PCDHGA1: variants seen among roughly 807,000 people sequenced by gnomAD.
PCDHGA1 encodes the protein protocadherin gamma-A1.
A neutral mutation model predicts 58.0 loss-of-function variants in PCDHGA1; 32 were observed. The observed-to-expected ratio is 0.55, with a 90% confidence interval of 0.42 to 0.74. PCDHGA1 has a LOEUF of 0.74. Among genes scored for constraint, PCDHGA1 ranks in the 30% least tolerant of loss-of-function variants. The pLI, the probability that PCDHGA1 is intolerant of heterozygous loss-of-function variation, is 0.00. For synonymous variants in PCDHGA1, 498 were observed against 501.1 expected, an observed-to-expected ratio of 0.99 and a Z score of 0.08; for missense variants, 1,205 against 1,182.3, an observed-to-expected ratio of 1.02 and a Z score of -0.28.
At chr5:141,413,796 G>A in intron 1 of PCDHGA1, 2 of 1,613,190 alleles carry the variant, frequency 1.2e-6, no homozygotes, top group Non-Finnish European at 1.7e-6. Flanking sequence ...TAGATCGCGA[G>A]GAAGAGGCCA....
chr5:141,357,665 C>T, intron 1 of PCDHGA1: 7 of 1,599,548 alleles, frequency 4.4e-6, no homozygotes, highest in Non-Finnish European at 6.0e-6. Flanking sequence ...GAAATATAGA[C>T]AAAGAGTTGT....
At chr5:141,414,692 C>T (rs2095777962) in intron 1 of PCDHGA1, 1 of 1,613,918 alleles carries the variant, frequency 6.2e-7, no homozygotes, top group African/African-American at 1.3e-5. Flanking sequence ...GTACCTCTGT[C>T]CTCATACATA....
chr5:141,419,870 G>C, intron 1 of PCDHGA1: 1 of 1,614,054 alleles, frequency 6.2e-7, no homozygotes, highest in Non-Finnish European at 8.5e-7. Context: ...CTTGCAAGAG[G>C]TACTGCCGGA....
intron 1 of PCDHGA1, chr5:141,423,735 G>A (rs2096770441): frequency 1.3e-6 from 1 of 777,372 alleles, no homozygotes; most frequent in African/African-American, 2.5e-5. Context: ...TTTTGAGCCT[G>A]TTATGAAAAC....
At chr5:141,494,064 G>T (rs1233070772) in intron 1 of PCDHGA1, among the ~76,000 whole-genome samples, 2 of 152,160 alleles carry the variant, frequency 1.3e-5, no homozygotes, top group South Asian at 2.1e-4. Flanking sequence ...TGTGGGAGCT[G>T]GATCCCTCCC....
chr5:141,343,877 A>T, intron 1 of PCDHGA1: 1 of 616,594 alleles, frequency 1.6e-6, no homozygotes, highest in Non-Finnish European at 2.7e-6. Context: ...TCAGACTCAG[A>T]AGATCCGGGG....
chr5:141,383,308 G>A, intron 1 of PCDHGA1: 1 of 1,613,976 alleles, frequency 6.2e-7, no homozygotes, highest in Non-Finnish European at 8.5e-7. Context: ...CTTGACGGAA[G>A]AAATAAATGT....
chr5:141,370,824 G>C, intron 1 of PCDHGA1: 1 of 1,613,996 alleles, frequency 6.2e-7, no homozygotes, highest in Non-Finnish European at 8.5e-7. Flanking sequence ...GGAAATCAGC[G>C]AACTGGCTCT....
At chr5:141,343,931 T>A in intron 1 of PCDHGA1, 2 of 1,095,094 alleles carry the variant, frequency 1.8e-6, no homozygotes, top group Non-Finnish European at 2.6e-6. Context: ...GTTTGACCTG[T>A]GAATTAGGCC....
At chr5:141,371,684 A>G (rs756152313) in intron 1 of PCDHGA1, 4 of 1,614,050 alleles carry the variant, frequency 2.5e-6, no homozygotes, top group Non-Finnish European at 3.4e-6. Context: ...AAGGCAATCC[A>G]CCGCTCTCCT....
chr5:141,441,018 TG>T (rs1482478700), intron 1 of PCDHGA1: 1 of 152,164 alleles, frequency 6.6e-6, no homozygotes, highest in Non-Finnish European at 1.5e-5. Context: ...GATCAAATAG[TG>T]GAGAAATGAA....
chr5:141,439,652 T>G (rs1047430832), intron 1 of PCDHGA1, among the ~76,000 whole-genome samples: 1 of 152,208 alleles, frequency 6.6e-6, no homozygotes, highest in African/African-American at 2.4e-5. Context: ...GTGGCTTTTC[T>G]AATTTCATGG....
intron 1 of PCDHGA1, among the ~76,000 whole-genome samples, chr5:141,465,984 T>C (rs11953841): frequency 0.18 from 27,399 of 151,848 alleles, 2,640 homozygotes; most frequent in Admixed American, 0.28. Context: ...TAGCCGGGCA[T>C]GGTGGCAGGC....
intron 1 of PCDHGA1, among the ~76,000 whole-genome samples, chr5:141,437,093 C>T (rs1382920904): frequency 2.6e-5 from 4 of 152,136 alleles, no homozygotes; most frequent in East Asian, 1.9e-4. Flanking sequence ...TTGAAACTAA[C>T]GGCTTAGCTT....
At position 141,410,845 on chromosome 5, in the gene PCDHGA1, TTGTC is replaced by T. The variant is rs1434874838; in HGVS notation, c.2421+77742_2421+77745del. 23 of 429,726 alleles carry T rather than the reference TTGTC, an allele frequency of 5.4e-5. 1 individual carries two copies. Among genetic ancestry groups the T allele is most frequent in the Admixed American group, 8.8e-5 (2 of 22,654 alleles). The allele number at this position is 429,726 out of a possible 1,614,324, so 26.6% of individuals were successfully genotyped here. A position where few individuals can be genotyped will look rare whatever the true frequency, so the allele number is the denominator to read the frequency against. Reference sequence around the variant, plus strand: ...TCACCAGACTGAAGATATTTTGTCTTTGTCTTTTTTTTTTTTTTTTTTTTTTGAG... The same window carrying T: ...TCACCAGACTGAAGATATTTTGTCTTTTTTTTTTTTTTTTTTTTTTTTGAG... On this transcript the variant is annotated intron_variant, in intron 1 of 3. Transcript: ENST00000517417.
intron 1 of PCDHGA1, chr5:141,361,109 G>C: frequency 1.2e-6 from 2 of 1,613,990 alleles, no homozygotes; most frequent in Non-Finnish European, 1.7e-6. Flanking sequence ...AAAGATCCTG[G>C]AGATCTAGCA....
Position 141,404,160 on chromosome 5 carries a change from G to A in PCDHGA1, c.2421+71055G>A, listed in dbSNP as rs1308529085. On this transcript the variant is annotated intron_variant, in intron 1 of 3. Coordinates refer to ENST00000517417, the MANE Select transcript of PCDHGA1 (RefSeq NM_018912.3). The stretch of plus-strand genomic sequence containing the variant: ...GAAAATTCAGAAGAAGATTATTACA[G>A]ATTGTTGACGGCCCAAATTCTTGAC... The A allele has an allele frequency of 3.1e-6, 5 of 1,613,054 alleles. No homozygotes were observed. In the Admixed American group the frequency reaches 6.7e-5, roughly 22 times the overall value.
intron 1 of PCDHGA1, chr5:141,367,909 A>C (rs1765390409): frequency 1.3e-5 from 2 of 150,836 alleles, no homozygotes; most frequent in Admixed American, 6.6e-5. Flanking sequence ...TTGTATTTGA[A>C]AAAAAAAGAA....
At chr5:141,408,588 A>G in intron 1 of PCDHGA1, 1 of 1,614,042 alleles carries the variant, frequency 6.2e-7, no homozygotes, top group Non-Finnish European at 8.5e-7. Context: ...GTTAATGACC[A>G]CGCCCCTCAA....
Sources: gnomAD v4.1 joint callset for allele counts (sites outside exome capture counted in the v4.1 genomes callset) on GRCh38, gnomAD v4.1.1 for gene constraint, MANE v1.5 for transcripts, NCBI Gene and HGNC (gene_info 2026-07-23, HGNC 2026-07-21) for gene names.